B4GALNT3: variants seen among roughly 807,000 people sequenced by gnomAD.
The protein encoded by B4GALNT3 is beta-1,4-N-acetyl-galactosaminyltransferase 3.
Under a neutral mutation model 120.2 loss-of-function variants are expected in B4GALNT3, and 86 were observed. The ratio of observed to expected loss-of-function variants is 0.72; its 90% CI spans 0.60 to 0.86. B4GALNT3 has a LOEUF of 0.86. Among genes scored for constraint, B4GALNT3 ranks in the 40% least tolerant of loss-of-function variants. The probability of loss-of-function intolerance (pLI) is 0.00; values close to 1 mark genes in which losing one functional copy is unlikely to be tolerated. For synonymous variants in B4GALNT3, 518 were observed against 510.4 expected (o/e 1.01, Z -0.20); for missense variants, 1,167 against 1,298.9 (o/e 0.90, Z 1.56).
intron 13 of B4GALNT3, 135 bp from the exon 14 acceptor site, chr12:553,059 A>G: frequency 1.5e-6 from 2 of 1,302,440 alleles, no homozygotes; most frequent in Non-Finnish European, 2.1e-6. Context: ...TCACACAGTA[A>G]GCGATAGAAC....
At chr12:546,867 C>T in intron 7 of B4GALNT3, 154 bp downstream of exon 7, 2 of 691,064 alleles carry the variant, frequency 2.9e-6, no homozygotes, top group Non-Finnish European at 4.9e-6. Flanking sequence ...TCAGAAGCCG[C>T]GAGCCCATCC....
intron 1 of B4GALNT3, among the ~76,000 whole-genome samples, chr12:516,800 G>A (rs1377008025): frequency 6.6e-6 from 1 of 152,150 alleles, no homozygotes; most frequent in Non-Finnish European, 1.5e-5. Context: ...AGGTGCAGGG[G>A]TGGATACAAG....
At chr12:558,137 G>C in intron 17 of B4GALNT3, 49 bp downstream of exon 17, 2 of 1,586,516 alleles carry the variant, frequency 1.3e-6, no homozygotes, top group Non-Finnish European at 1.7e-6. Flanking sequence ...GGCTGGTTAA[G>C]AGGTAGAGAG....
At chr12:466,061 C>T in intron 1 of B4GALNT3, among the ~76,000 whole-genome samples, 1 of 147,160 alleles carries the variant, frequency 6.8e-6, no homozygotes, top group African/African-American at 2.5e-5. Flanking sequence ...CTGGGGTTGC[C>T]TGCCACTCCC....
At chr12:551,124 C>T (rs899076245) in intron 11 of B4GALNT3, 93 bp downstream of exon 11, 1 of 1,093,298 alleles carries the variant, frequency 9.1e-7, no homozygotes, top group Non-Finnish European at 1.4e-6. Flanking sequence ...ACTTTCCCAT[C>T]TTCCCAACAT....
chr12:465,083 G>A (rs138826239), intron 1 of B4GALNT3, among the ~76,000 whole-genome samples: 19 of 152,348 alleles, frequency 1.2e-4, no homozygotes, highest in African/African-American at 3.8e-4. Context: ...TTGAAACCCA[G>A]TGAAGCAGCA....
At chr12:471,154 T>C (rs7973970) in intron 1 of B4GALNT3, among the ~76,000 whole-genome samples, 10,837 of 147,406 alleles carry the variant, frequency 0.074, 697 homozygotes, top group African/African-American at 0.18. Flanking sequence ...TTTGGGAGGC[T>C]GAGGCAGGCA....
At chr12:513,147 GACCTTCC>G (rs879301868) in intron 1 of B4GALNT3, among the ~76,000 whole-genome samples, 11,794 of 74,926 alleles carry the variant, frequency 0.16, 475 homozygotes, top group Middle Eastern at 0.27. Flanking sequence ...TTCCACCTTC[GACCTTCC>G]ACCTTCCACC....
intron 1 of B4GALNT3, among the ~76,000 whole-genome samples, chr12:496,975 A>G (rs1946394992): frequency 6.6e-6 from 1 of 152,012 alleles, no homozygotes; most frequent in Non-Finnish European, 1.5e-5. Context: ...TCCTGGGCTC[A>G]AGGGATCCTC....
rs189248812 is a variant in B4GALNT3 at position 550,273 on chromosome 12, A to G, written c.997+361A>G. 1.2e-4 allele frequency among the ~76,000 whole-genome samples: 19 copies of G among 152,280 alleles called. No individual in the cohort carries two copies. Among genetic ancestry groups the G allele is most frequent in the African/African-American group, 3.6e-4 (15 of 41,548 alleles). On this transcript the variant is annotated intron_variant, in intron 10 of 19. Coordinates refer to ENST00000266383, the MANE Select transcript of B4GALNT3 (RefSeq NM_173593.4). The surrounding 1 kb of genome is among the most constrained non-coding windows in gnomAD (Gnocchi z 4.1). ...CATCCAAGGAGAGAAATACGTGGAC[A>G]CCACAGTGTTAGAGTCTTAATGCAT...
rs1946006809 is a variant in B4GALNT3, at chr12:460,312, G to A, written c.-65G>A. ...GCGGGGCGCCCTGGGCGCGGGGCCC[G>A]GCCGGGGGGCGGCGGCTCGGGGGGT... On this transcript the variant is annotated 5_prime_UTR_variant, in exon 1 of 20. Coordinates refer to ENST00000266383, the MANE Select transcript of B4GALNT3 (RefSeq NM_173593.4). This position sits in a 1 kb window ranked among gnomAD's most constrained non-coding sequence, Gnocchi z 8.0. 3.1e-6 allele frequency: 3 copies of A among 975,952 alleles called. No individual in the cohort carries two copies. Among genetic ancestry groups the A allele is most frequent in the South Asian group, 9.2e-5 (2 of 21,732 alleles). 60.5% of individuals were successfully genotyped at this position (975,952 alleles called of 1,614,324 possible). A position where few individuals can be genotyped will look rare whatever the true frequency, so the allele number is the denominator to read the frequency against.
At chr12:462,158 C>G (rs1393289379) in intron 1 of B4GALNT3, among the ~76,000 whole-genome samples, 1 of 152,096 alleles carries the variant, frequency 6.6e-6, no homozygotes, top group African/African-American at 2.4e-5. Context: ...TCTCCCCCGC[C>G]ATGGCCACTC....
chr12:545,278 G>A, intron 5 of B4GALNT3, 91 bp from the exon 6 acceptor site: 1 of 1,513,098 alleles, frequency 6.6e-7, no homozygotes, highest in Non-Finnish European at 8.9e-7. Flanking sequence ...AGCACTGAAG[G>A]GAATTTAATC....
chr12:519,502 C>T (rs916016800), intron 1 of B4GALNT3, among the ~76,000 whole-genome samples: 6 of 152,106 alleles, frequency 3.9e-5, no homozygotes, highest in South Asian at 2.1e-4. Context: ...GCTGGCAGAA[C>T]GCGGCTCAGT....
At chr12:544,286 G>A (rs1314071113) in intron 3 of B4GALNT3, 53 bp from the exon 4 acceptor site, 3 of 1,552,016 alleles carry the variant, frequency 1.9e-6, no homozygotes, top group Admixed American at 1.7e-5. Context: ...TGAGGATCTG[G>A]GGCGGGCATG....
intron 1 of B4GALNT3, among the ~76,000 whole-genome samples, chr12:478,622 T>G (rs1235792164): frequency 6.6e-6 from 1 of 152,220 alleles, no homozygotes; most frequent in Non-Finnish European, 1.5e-5. Context: ...TTCTAGCAGC[T>G]TTTTCAACAG....
At chr12:471,876 T>C (rs992803156) in intron 1 of B4GALNT3, among the ~76,000 whole-genome samples, 1 of 152,206 alleles carries the variant, frequency 6.6e-6, no homozygotes, top group African/African-American at 2.4e-5. Flanking sequence ...TCTTCAAATT[T>C]GGCTGCTGGA....
intron 1 of B4GALNT3, among the ~76,000 whole-genome samples, chr12:504,448 C>T (rs1434366051): frequency 1.4e-5 from 2 of 144,046 alleles, no homozygotes; most frequent in African/African-American, 5.4e-5. Flanking sequence ...ACCCCGCAGC[C>T]GCCCCCCCGC....
At chr12:471,316 C>G (rs954004674) in intron 1 of B4GALNT3, among the ~76,000 whole-genome samples, 1 of 151,182 alleles carries the variant, frequency 6.6e-6, no homozygotes, top group African/African-American at 2.4e-5. Context: ...ACCCAGGAGG[C>G]GGAGGTTTCA....
Sources: gnomAD v4.1 joint callset for allele counts (sites outside exome capture counted in the v4.1 genomes callset) on GRCh38, gnomAD v4.1.1 for gene constraint, Gnocchi (gnomAD v3.1) non-coding constraint, MANE v1.5 for transcripts, NCBI Gene and HGNC (gene_info 2026-07-23, HGNC 2026-07-21) for gene names.